The following BATF variants were observed in gnomAD, a reference collection of about 807,000 sequenced individuals.
The protein encoded by BATF is basic leucine zipper ATF-like transcription factor.
Under a neutral mutation model 13.7 loss-of-function variants are expected in BATF, and 5 were observed. The ratio of observed to expected loss-of-function variants is 0.36; its 90% CI spans 0.19 to 0.77. BATF has a LOEUF of 0.77. Among genes scored for constraint, BATF ranks in the 30% least tolerant of loss-of-function variants. The pLI is 0.51. For synonymous variants in BATF, 72 were observed against 67.5 expected, an observed-to-expected ratio of 1.07 and a Z score of -0.33; for missense variants, 124 against 163.0, an observed-to-expected ratio of 0.76 and a Z score of 1.30.
At chr14:75,540,253 T>C in intron 2 of BATF, among the ~76,000 whole-genome samples, 1 of 152,042 alleles carries the variant, frequency 6.6e-6, no homozygotes, top group East Asian at 1.9e-4. Flanking sequence ...TCCCGGCGGG[T>C]GAGGGAACTG....
Position 75,546,683 on chromosome 14 carries a change from G to A in BATF, c.*12G>A, listed in dbSNP as rs767915989. 4.5e-6 allele frequency: 7 copies of A among 1,569,896 alleles called. No individual in the cohort carries two copies. In the South Asian group the frequency reaches 8.1e-5, roughly 18 times the overall value. On this transcript the variant is annotated 3_prime_UTR_variant, in exon 3 of 3. Transcript: ENST00000286639. ...GCTTCCAGCCCTGAGCTTCCGATGC[G>A]GGGAGAGCAGAGCCTCGGGAGGGGC...
At chr14:75,525,808 TTTGGGGACGGCCCA>T (rs148624221) in intron 2 of BATF, among the ~76,000 whole-genome samples, 11,608 of 152,150 alleles carry the variant, frequency 0.076, 1,297 homozygotes, top group African/African-American at 0.24. Context: ...TATCAAGTGC[TTTGGGGACGGCCCA>T]TTGTCTCGCA....
chr14:75,546,837 C>A lies in BATF; in HGVS notation c.*166C>A. The A allele has an allele frequency of 2.1e-6, 2 of 962,430 alleles. No homozygotes were observed. Among genetic ancestry groups the A allele is most frequent in the Non-Finnish European group, 3.2e-6 (2 of 624,640 alleles). The allele number at this position is 962,430 out of a possible 1,614,324, so 59.6% of individuals were successfully genotyped here. On this transcript the variant is annotated 3_prime_UTR_variant, in exon 3 of 3. Transcript: ENST00000286639. Reference sequence around the variant, plus strand: ...ACTGGAAGGGCGTGAGGCCTCCCAGCAGTGCCGCAGCGTTTCGAGGGGCGT... The same window carrying A: ...ACTGGAAGGGCGTGAGGCCTCCCAGAAGTGCCGCAGCGTTTCGAGGGGCGT...
At chr14:75,523,175 T>C (rs1419078889) in intron 1 of BATF, among the ~76,000 whole-genome samples, 1 of 128,822 alleles carries the variant, frequency 7.8e-6, no homozygotes, top group East Asian at 2.2e-4. Context: ...AGACAGCCAA[T>C]AGGGAAGGGG....
intron 2 of BATF, among the ~76,000 whole-genome samples, chr14:75,545,220 T>C (rs1269176188): frequency 6.6e-6 from 1 of 151,834 alleles, no homozygotes; most frequent in Non-Finnish European, 1.5e-5. Flanking sequence ...TATTTCATTT[T>C]TATTTTTATT....
In BATF at chr14:75,533,411, G is replaced by A. The variant is rs1408696968; in HGVS notation, c.168+8223G>A. ...CCACTGCACTCCAGCCAAGGCAACAGAGTGAGACTCCGTCTCAAAAAAAAA... is the reference window on the plus strand; with the variant it reads ...CCACTGCACTCCAGCCAAGGCAACAAAGTGAGACTCCGTCTCAAAAAAAAA... On this transcript the variant is annotated intron_variant, in intron 2 of 2. Coordinates refer to ENST00000286639, the MANE Select transcript of BATF (RefSeq NM_006399.5). 2.1e-5 allele frequency among the ~76,000 whole-genome samples: 3 copies of A among 145,310 alleles called. No homozygotes were observed. The East Asian group carries it at 6.0e-4, about 29-fold the overall frequency.
Position 75,546,497 on chromosome 14 carries a change from A to C in BATF, c.204A>C (p.Leu68=). 1.2e-6 allele frequency: 2 copies of C among 1,614,166 alleles called. No individual in the cohort carries two copies. Among genetic ancestry groups the C allele is most frequent in the Non-Finnish European group, 1.7e-6 (2 of 1,180,028 alleles). The change falls in exon 3 of 3, where the codon CTA becomes CTC. Residue 68 remains leucine, a synonymous_variant. Transcript: ENST00000286639. The part of the protein sequence containing the change: ...SEDLEKQNAA[L]RKEIKQLTEE... ...ACCTGGAGAAACAGAACGCGGCTCT[A>C]CGCAAGGAGATCAAGCAGCTCACAG... is the stretch of plus-strand genomic sequence containing the variant.
rs147049789 is a variant in BATF at position 75,543,462 on chromosome 14, A to ACC, written c.169-2993_169-2992dup. Among the ~76,000 whole-genome samples, 503 of 149,954 alleles carry ACC rather than the reference A, an allele frequency of 3.4e-3. 1 individual carries two copies. The highest frequency in any genetic ancestry group is 5.5e-3 in the Non-Finnish European group (373 of 67,518). On this transcript the variant is annotated intron_variant, in intron 2 of 2. Coordinates refer to ENST00000286639, the MANE Select transcript of BATF (RefSeq NM_006399.5). ...ATATGCTTCTCTGCCATTTAGAAAG[A>ACC]CCCCCCCCAGGATGTGGGGTTTAAG...
intron 2 of BATF, among the ~76,000 whole-genome samples, chr14:75,545,388 A>ATTTTTTTT (rs35791450): frequency 6.7e-5 from 7 of 105,216 alleles, no homozygotes; most frequent in African/African-American, 1.2e-4. Flanking sequence ...CGCCTGGTTA[A>ATTTTTTTT]TTTTTTTTTT....
At chr14:75,540,729 C>T (rs1887883862) in intron 2 of BATF, among the ~76,000 whole-genome samples, 1 of 152,070 alleles carries the variant, frequency 6.6e-6, no homozygotes, top group South Asian at 2.1e-4. Context: ...TTGAAAATAT[C>T]AAATGTAATG....
chr14:75,534,318 A>G (rs536332144), intron 2 of BATF, among the ~76,000 whole-genome samples: 1 of 152,340 alleles, frequency 6.6e-6, no homozygotes, highest in Non-Finnish European at 1.5e-5. Flanking sequence ...ACCAAAATGA[A>G]AATACCCTAA....
chr14:75,531,936 CA>C (rs1469242759), intron 2 of BATF, among the ~76,000 whole-genome samples: 1 of 152,082 alleles, frequency 6.6e-6, no homozygotes, highest in African/African-American at 2.4e-5. Flanking sequence ...TTAAAAAGTT[CA>C]ATGTAGAATC....
intron 2 of BATF, among the ~76,000 whole-genome samples, chr14:75,531,717 T>C (rs1005119507): frequency 6.6e-6 from 1 of 152,166 alleles, no homozygotes; most frequent in African/African-American, 2.4e-5. Context: ...CTGTGAGAAA[T>C]ACGGTATTTA....
chr14:75,542,612 C>T lies in BATF; in HGVS notation c.169-3850C>T, dbSNP rs371378612. 1.2e-4 allele frequency among the ~76,000 whole-genome samples: 19 copies of T among 152,332 alleles called. No homozygotes were observed. The East Asian group carries it at 1.5e-3, about 12-fold the overall frequency. On this transcript the variant is annotated intron_variant, in intron 2 of 2. Coordinates refer to ENST00000286639, the MANE Select transcript of BATF (RefSeq NM_006399.5). ...GGGCAATAGCAGGGACATGGAGGGA[C>T]GAGGCCCCAGATCAGCCACTTCCTC...
intron 2 of BATF, among the ~76,000 whole-genome samples, chr14:75,527,959 C>A (rs1297421111): frequency 6.6e-6 from 1 of 152,242 alleles, no homozygotes; most frequent in Non-Finnish European, 1.5e-5. Flanking sequence ...CGTGTTCAAT[C>A]TGCCCTACAT....
intron 1 of BATF, among the ~76,000 whole-genome samples, chr14:75,523,202 A>G (rs529773074): frequency 2.7e-3 from 179 of 67,214 alleles, no homozygotes; most frequent in Non-Finnish European, 3.9e-3. Context: ...GGGGTTAGGG[A>G]AAAGTTAAAA....
Position 75,522,501 on chromosome 14 carries a change from C to A in BATF, c.-182C>A. The A allele has an allele frequency of 1.6e-6, 1 of 607,444 alleles. No homozygotes were observed. Among genetic ancestry groups the A allele is most frequent in the Non-Finnish European group, 2.9e-6 (1 of 342,478 alleles). The allele number at this position is 607,444 out of a possible 1,614,324, so 37.6% of individuals were successfully genotyped here. A position where few individuals can be genotyped will look rare whatever the true frequency, so the allele number is the denominator to read the frequency against. ...GCGACATGTCCCTTTGGGGAGCAGT[C>A]CCTCTGCACCCCAGAGTGAGGAGGA... On this transcript the variant is annotated 5_prime_UTR_variant, in exon 1 of 3. Coordinates refer to ENST00000286639, the MANE Select transcript of BATF (RefSeq NM_006399.5).
intron 2 of BATF, among the ~76,000 whole-genome samples, chr14:75,542,803 G>A (rs1033428529): frequency 2.0e-5 from 3 of 152,252 alleles, no homozygotes; most frequent in Non-Finnish European, 4.4e-5. Flanking sequence ...AGAGGCAGCA[G>A]GCAGCGGTTA....
At chr14:75,545,388 A>ATTTTTTTATT (rs1887965779) in intron 2 of BATF, among the ~76,000 whole-genome samples, 1 of 105,216 alleles carries the variant, frequency 9.5e-6, no homozygotes, top group Non-Finnish European at 1.8e-5. Flanking sequence ...CGCCTGGTTA[A>ATTTTTTTATT]TTTTTTTTTT....
Sources: gnomAD v4.1 joint callset for allele counts (sites outside exome capture counted in the v4.1 genomes callset) on GRCh38, gnomAD v4.1.1 for gene constraint, MANE v1.5 for transcripts, NCBI Gene and HGNC (gene_info 2026-07-23, HGNC 2026-07-21) for gene names.